The following CORO1C variants were observed in gnomAD, a reference collection of about 807,000 sequenced individuals.
CORO1C encodes coronin-1C.
Under a neutral mutation model 51.2 loss-of-function variants are expected in CORO1C, and 14 were observed. The ratio of observed to expected loss-of-function variants is 0.27; its 90% confidence interval spans 0.18 to 0.43. CORO1C has a LOEUF of 0.43. Ranked by LOEUF, CORO1C falls within the 20% of genes least tolerant of loss-of-function variation. The pLI is 1.00. For missense variants in CORO1C, 417 were observed against 607.8 expected, an observed-to-expected ratio of 0.69 and a Z score of 3.30; for synonymous variants, 181 against 210.5, an observed-to-expected ratio of 0.86 and a Z score of 1.21.
intron 2 of CORO1C, among the ~76,000 whole-genome samples, chr12:108,681,164 C>T (rs2136837451): frequency 6.6e-6 from 1 of 152,284 alleles, no homozygotes; most frequent in East Asian, 1.9e-4. Flanking sequence ...CCATGCGTGG[C>T]TTGAATGTGT....
chr12:108,686,237 T>C (rs2034289918), intron 2 of CORO1C, among the ~76,000 whole-genome samples: 1 of 152,230 alleles, frequency 6.6e-6, no homozygotes, highest in Non-Finnish European at 1.5e-5. Flanking sequence ...TATAATTAGC[T>C]AGATTGTGAG....
chr12:108,656,263 G>A (rs1401131955), intron 6 of CORO1C, among the ~76,000 whole-genome samples: 41 of 150,484 alleles, frequency 2.7e-4, no homozygotes, highest in African/African-American at 9.8e-4. Context: ...TCTCTGCCCG[G>A]CAGCCACCCC....
At chr12:108,678,479 A>G in intron 2 of CORO1C, 85 bp from the exon 3 acceptor site, 1 of 1,162,462 alleles carries the variant, frequency 8.6e-7, no homozygotes, top group Non-Finnish European at 1.2e-6. Flanking sequence ...CTCATTTATT[A>G]CCTCCACCCA....
At position 108,700,859 on chromosome 12, in the gene CORO1C, C is replaced by T. The variant is rs1005693889; in HGVS notation, c.195+265G>A. ...GATTAAGAATGAAATCTTAAAATTC[C>T]TATGCCTGCCCATGCTCACAACATC... On this transcript the variant is annotated intron_variant, in intron 2 of 10. Transcript: ENST00000261401. 3.3e-5 allele frequency: 11 copies of T among 337,038 alleles called. No homozygotes were observed. In the East Asian group the frequency reaches 5.4e-4, roughly 17 times the overall value. The allele number at this position is 337,038 out of a possible 1,614,324, so 20.9% of individuals were successfully genotyped here. A position where few individuals can be genotyped will look rare whatever the true frequency, so the allele number is the denominator to read the frequency against.
intron 2 of CORO1C, among the ~76,000 whole-genome samples, chr12:108,679,235 T>C (rs1008006840): frequency 1.4e-5 from 2 of 145,532 alleles, no homozygotes; most frequent in African/African-American, 5.1e-5. Context: ...TACATTGTAA[T>C]GTCTCAGTCT....
intron 1 of CORO1C, among the ~76,000 whole-genome samples, chr12:108,729,023 T>C (rs755205970): frequency 3.9e-5 from 6 of 152,192 alleles, no homozygotes; most frequent in Non-Finnish European, 8.8e-5. Flanking sequence ...AATATGTTTC[T>C]AAAGTACCAG....
chr12:108,650,643 C>G (rs1248066321), intron 8 of CORO1C, among the ~76,000 whole-genome samples: 3 of 152,166 alleles, frequency 2.0e-5, no homozygotes, highest in Non-Finnish European at 4.4e-5. Flanking sequence ...ATAAAAGTTA[C>G]ACCTACCACA....
Position 108,701,226 on chromosome 12 carries a change from A to C in CORO1C, c.93T>G (p.Arg31=), listed in dbSNP as rs202194858. 2.1e-5 allele frequency: 34 copies of C among 1,614,208 alleles called. No individual in the cohort carries two copies. In the East Asian group the frequency reaches 7.1e-4, roughly 34 times the overall value. The change falls in exon 2 of 11, where the codon CGT becomes CGG. Residue 31 remains arginine (R), a synonymous_variant. Transcript: ENST00000261401. ...DQCYDDIRVS[R]VTWDSSFCAV... ...CACAAAAGGAACTATCCCAGGTCAC[A>C]CGAGAAACCCGGATGTCATCATAGC... is the stretch of plus-strand genomic sequence containing the variant.
chr12:108,685,018 A>G (rs1441187149), intron 2 of CORO1C, among the ~76,000 whole-genome samples: 2 of 152,196 alleles, frequency 1.3e-5, no homozygotes, highest in African/African-American at 4.8e-5. Context: ...TGAACTTCCA[A>G]GAACACCAAA....
intron 1 of CORO1C, among the ~76,000 whole-genome samples, chr12:108,716,894 T>C (rs2035350220): frequency 6.6e-6 from 1 of 152,244 alleles, no homozygotes. Context: ...GTTCAACAAC[T>C]ATTCACTCGG....
chr12:108,710,722 CCCT>C (rs1158898583), intron 1 of CORO1C, among the ~76,000 whole-genome samples: 1 of 152,032 alleles, frequency 6.6e-6, no homozygotes, highest in Non-Finnish European at 1.5e-5. Flanking sequence ...TGCCACCACA[CCCT>C]GCTAATTTTT....
intron 2 of CORO1C, among the ~76,000 whole-genome samples, chr12:108,680,509 A>G (rs2136836515): frequency 6.6e-6 from 1 of 152,328 alleles, no homozygotes; most frequent in East Asian, 1.9e-4. Context: ...ATGGTTGAGA[A>G]CCAGACTGCC....
chr12:108,648,503 C>A (rs542158409), intron 10 of CORO1C, 102 bp downstream of exon 10: 410 of 1,494,188 alleles, frequency 2.7e-4, no homozygotes, highest in Middle Eastern at 4.8e-4. Flanking sequence ...AACCCCTGAG[C>A]ACCCAGCTGG....
chr12:108,710,011 T>C (rs1322700764), intron 1 of CORO1C, among the ~76,000 whole-genome samples: 1 of 152,224 alleles, frequency 6.6e-6, no homozygotes. Context: ...TTACTTTCAA[T>C]GGGAGATAAT....
chr12:108,670,795 A>G (rs2033686150), intron 3 of CORO1C, among the ~76,000 whole-genome samples: 1 of 152,146 alleles, frequency 6.6e-6, no homozygotes, highest in South Asian at 2.1e-4. Context: ...CATGCTCAAA[A>G]GAGATAAAAA....
At chr12:108,694,267 G>C (rs945900291) in intron 2 of CORO1C, among the ~76,000 whole-genome samples, 1 of 114,188 alleles carries the variant, frequency 8.8e-6, no homozygotes, top group African/African-American at 3.5e-5. Context: ...GGGGAACAGA[G>C]CAAGACTGTC....
At chr12:108,649,076 C>T in intron 8 of CORO1C, 56 bp from the exon 9 acceptor site, 1 of 1,579,446 alleles carries the variant, frequency 6.3e-7, no homozygotes, top group South Asian at 1.1e-5. Flanking sequence ...GGCTGACTAA[C>T]AGGATGAATA....
At chr12:108,723,970 A>C (rs1176138353) in intron 1 of CORO1C, among the ~76,000 whole-genome samples, 1 of 152,232 alleles carries the variant, frequency 6.6e-6, no homozygotes, top group Non-Finnish European at 1.5e-5. Context: ...GGAAATTTAA[A>C]AGGATCAATA....
rs531669713 is a variant in CORO1C at position 108,711,397 on chromosome 12, G to GGGCC, written c.-5-10078_-5-10075dup. ...AACACAAAATACAAAAGAAAGAAAA[G>GGGCC]GGCCGGGCATGGTGGCTCACGCCTG... is the stretch of plus-strand genomic sequence containing the variant. On this transcript the variant is annotated intron_variant, in intron 1 of 10. Transcript: ENST00000261401. Among the ~76,000 whole-genome samples, 15 of 151,446 alleles carry GGGCC rather than the reference G, an allele frequency of 9.9e-5. No homozygotes were observed. The South Asian group carries it at 2.9e-3, about 29-fold the overall frequency.
Sources: allele counts gnomAD v4.1 joint callset (sites outside exome capture counted in the v4.1 genomes callset), GRCh38; gene constraint gnomAD v4.1.1; transcripts MANE v1.5; gene names NCBI Gene and HGNC (gene_info 2026-07-23, HGNC 2026-07-21).